The following ABI3BP variants were observed in gnomAD, a reference collection of about 807,000 sequenced individuals.
The protein encoded by ABI3BP is ABI family member 3 binding protein, also known as target of Nesh-SH3.
A neutral mutation model predicts 268.6 loss-of-function variants in ABI3BP; 216 were observed. That is an observed-to-expected ratio of 0.80 (90% CI 0.72 to 0.90). ABI3BP has a LOEUF of 0.90. ABI3BP is among the 40% of genes least tolerant of loss of function. ABI3BP has a pLI of 0.00. For synonymous variants in ABI3BP, 730 were observed against 730.0 expected, an observed-to-expected ratio of 1.00 and a Z score of 0.00; for missense variants, 2,090 against 2,182.4, an observed-to-expected ratio of 0.96 and a Z score of 0.84.
intron 45 of ABI3BP, among the ~76,000 whole-genome samples, chr3:100,813,072 G>A (rs114319203): frequency 0.01 from 1,526 of 152,170 alleles, 30 homozygotes; most frequent in African/African-American, 0.034. Flanking sequence ...GTAGAGTTGG[G>A]GTTTTGCCAT....
intron 40 of ABI3BP, 97 bp from the exon 41 acceptor site, chr3:100,818,678 T>C: frequency 9.6e-7 from 1 of 1,038,842 alleles, no homozygotes; most frequent in East Asian, 2.6e-5. Flanking sequence ...TTTTAAGAAA[T>C]TTTCTGAAAC....
chr3:100,811,624 G>A (rs2097862280), intron 47 of ABI3BP, 104 bp downstream of exon 47: 2 of 1,175,462 alleles, frequency 1.7e-6, no homozygotes, highest in Non-Finnish European at 2.4e-6. Flanking sequence ...CTGTTTAATT[G>A]TGAATCAAGT....
chr3:100,872,294 A>T (rs2099117568), intron 9 of ABI3BP, among the ~76,000 whole-genome samples: 1 of 152,254 alleles, frequency 6.6e-6, no homozygotes, highest in East Asian at 1.9e-4. Flanking sequence ...TTAGTGAATC[A>T]TATCAGAAGA....
chr3:100,824,042 G>C (rs902627235), intron 36 of ABI3BP, among the ~76,000 whole-genome samples: 1 of 152,102 alleles, frequency 6.6e-6, no homozygotes, highest in Non-Finnish European at 1.5e-5. Flanking sequence ...ACACCTAAGA[G>C]AACAGGGTGG....
intron 4 of ABI3BP, among the ~76,000 whole-genome samples, chr3:100,888,607 C>A (rs1198468363): frequency 6.6e-6 from 1 of 151,942 alleles, no homozygotes. Flanking sequence ...AAAAAGAACC[C>A]TAAACTTCAC....
rs144517307 is a variant in ABI3BP, at chr3:100,827,905, T to C, written c.2602+488A>G. ...TTAAATCTACTAGCCTTGATCACAT[T>C]ATCTGTTGATTAATTCACTAAAAAT... is the stretch of plus-strand genomic sequence containing the variant. On this transcript the variant is annotated intron_variant, in intron 34 of 67. Transcript: ENST00000471714. Among the ~76,000 whole-genome samples the C allele has an allele frequency of 2.1e-3, 322 of 152,240 alleles. 2 individuals are homozygous for C. The highest frequency in any genetic ancestry group is 7.2e-3 in the African/African-American group (301 of 41,548).
chr3:100,830,450 A>C, intron 32 of ABI3BP, 128 bp downstream of exon 32: 2 of 710,930 alleles, frequency 2.8e-6, no homozygotes, highest in Non-Finnish European at 4.3e-6. Flanking sequence ...ATACATATTA[A>C]GAAGTAATGA....
chr3:100,753,807 A>T lies in ABI3BP; in HGVS notation c.4960+12T>A. ...AAGCATGTAGTTGTGCCTCATTGAG[A>T]CAGGTACTTACCAGAAACTGGCTCA... On this transcript the variant is annotated intron_variant, in intron 65 of 67. Coordinates refer to ENST00000471714, the MANE Select transcript of ABI3BP (RefSeq NM_001375547.2). 2 of 1,610,862 alleles carry T rather than the reference A, an allele frequency of 1.2e-6. No individual in the cohort carries two copies. Among genetic ancestry groups the T allele is most frequent in the Non-Finnish European group, 1.7e-6 (2 of 1,178,678 alleles).
At chr3:100,785,190 A>T (rs1178676152) in intron 57 of ABI3BP, among the ~76,000 whole-genome samples, 1 of 152,212 alleles carries the variant, frequency 6.6e-6, no homozygotes, top group African/African-American at 2.4e-5. Context: ...AAAATGTGAG[A>T]TGGATAATAA....
chr3:100,940,808 A>AC (rs2068725888), intron 1 of ABI3BP, among the ~76,000 whole-genome samples: 1 of 64,918 alleles, frequency 1.5e-5, no homozygotes, highest in Non-Finnish European at 3.1e-5. Context: ...ATATATATAT[A>AC]TATATATATA....
At chr3:100,846,631 T>C in intron 19 of ABI3BP, 185 bp from the exon 20 acceptor site, 1 of 439,088 alleles carries the variant, frequency 2.3e-6, no homozygotes, top group South Asian at 5.1e-5. Context: ...AAGTAGTTAA[T>C]TTTATCTTGT....
intron 1 of ABI3BP, among the ~76,000 whole-genome samples, chr3:100,929,874 G>T (rs1053394515): frequency 1.3e-5 from 2 of 151,876 alleles, no homozygotes; most frequent in African/African-American, 2.4e-5. Flanking sequence ...AAAAGGTTAA[G>T]CAAGTTTTTT....
At position 100,863,143 on chromosome 3, in the gene ABI3BP, C is replaced by T. The variant is rs2153175736; in HGVS notation, c.1139-234G>A. On this transcript the variant is annotated intron_variant, in intron 12 of 67. Transcript: ENST00000471714. ...GCTACTGTATTTGGACTCTTCTTTC[C>T]ACCCTTATTAAACCAGTTTGCTGAT... The T allele has an allele frequency of 1.1e-5, 5 of 444,932 alleles. No individual in the cohort carries two copies. In the South Asian group the frequency reaches 1.8e-4, roughly 16 times the overall value. 27.6% of individuals were successfully genotyped at this position (444,932 alleles called of 1,614,324 possible). A position where few individuals can be genotyped will look rare whatever the true frequency, so the allele number is the denominator to read the frequency against.
At chr3:100,843,438 C>T (rs2098730329) in intron 20 of ABI3BP, among the ~76,000 whole-genome samples, 1 of 141,216 alleles carries the variant, frequency 7.1e-6, no homozygotes, top group Non-Finnish European at 1.5e-5. Context: ...GTCTGTATGA[C>T]AGAAGAGAGA....
intron 1 of ABI3BP, among the ~76,000 whole-genome samples, chr3:100,933,428 C>T (rs1479079212): frequency 6.6e-6 from 1 of 151,828 alleles, no homozygotes; most frequent in Admixed American, 6.6e-5. Context: ...TATACCTACT[C>T]AGCTACTTAT....
chr3:100,923,610 C>G (rs914934658), intron 2 of ABI3BP, among the ~76,000 whole-genome samples: 1 of 152,138 alleles, frequency 6.6e-6, no homozygotes, highest in Non-Finnish European at 1.5e-5. Context: ...ATCAGAGCAT[C>G]AACTCATAAC....
chr3:100,862,952 G>GT (rs1379930149), intron 12 of ABI3BP, 43 bp from the exon 13 acceptor site: 2 of 1,403,428 alleles, frequency 1.4e-6, no homozygotes, highest in Admixed American at 2.2e-5. Flanking sequence ...TGAGGTGAAA[G>GT]TAACAGGAAA....
rs557951329 is a variant in ABI3BP at position 100,872,565 on chromosome 3, T to C, written c.910+2276A>G. 1.6e-4 allele frequency among the ~76,000 whole-genome samples: 24 copies of C among 152,320 alleles called. No homozygotes were observed. The South Asian group carries it at 5.0e-3, about 32-fold the overall frequency. ...CTTTCTGCAGTTTTGATGGTAACAT[T>C]AGGGACCAAATCAATGAGATTGGCC... On this transcript the variant is annotated intron_variant, in intron 9 of 67. Coordinates refer to ENST00000471714, the MANE Select transcript of ABI3BP (RefSeq NM_001375547.2).
At chr3:100,790,151 A>G (rs1237890401) in intron 55 of ABI3BP, among the ~76,000 whole-genome samples, 3 of 151,990 alleles carry the variant, frequency 2.0e-5, no homozygotes, top group East Asian at 1.9e-4. Flanking sequence ...CCCTGGGCCA[A>G]TTATCCAGGA....
Sources: gnomAD v4.1 joint callset for allele counts (sites outside exome capture counted in the v4.1 genomes callset) on GRCh38, gnomAD v4.1.1 for gene constraint, MANE v1.5 for transcripts, NCBI Gene and HGNC (gene_info 2026-07-23, HGNC 2026-07-21) for gene names.